HS6ST3: variants seen among roughly 807,000 people sequenced by gnomAD.
HS6ST3 encodes the protein heparan sulfate 6-O-sulfotransferase 3.
In HS6ST3, 12 loss-of-function variants were observed where a neutral mutation model predicts 36.7. The ratio of observed to expected loss-of-function variants is 0.33; its 90% CI spans 0.21 to 0.53. The LOEUF (loss-of-function observed/expected upper bound fraction) is 0.53. Among genes scored for constraint, HS6ST3 ranks in the 20% least tolerant of loss-of-function variants. HS6ST3 has a pLI of 0.95. For synonymous variants in HS6ST3, 240 were observed against 257.5 expected (o/e 0.93, Z 0.65); for missense variants, 584 against 640.9 (o/e 0.91, Z 0.96).
At chr13:96,139,949 G>A (rs959958909) in intron 1 of HS6ST3, among the ~76,000 whole-genome samples, 2 of 152,042 alleles carry the variant, frequency 1.3e-5, no homozygotes, top group Non-Finnish European at 2.9e-5. Flanking sequence ...CTAATTATAT[G>A]CAGATTGTTT....
chr13:96,379,017 T>C (rs572094584), intron 1 of HS6ST3, among the ~76,000 whole-genome samples: 5 of 152,308 alleles, frequency 3.3e-5, no homozygotes, highest in African/African-American at 9.6e-5. Flanking sequence ...CTAAGTCTTA[T>C]TGATTTAGCT....
intron 1 of HS6ST3, among the ~76,000 whole-genome samples, chr13:96,465,400 G>A (rs2055807282): frequency 6.6e-6 from 1 of 152,130 alleles, no homozygotes; most frequent in Non-Finnish European, 1.5e-5. Context: ...ATACTACACA[G>A]CAATGAAAAG....
At chr13:96,734,820 A>G (rs1414892528) in intron 1 of HS6ST3, among the ~76,000 whole-genome samples, 2 of 152,236 alleles carry the variant, frequency 1.3e-5, no homozygotes, top group Non-Finnish European at 2.9e-5. Flanking sequence ...TCGCCAGATC[A>G]GTGTCTGGAG....
chr13:96,352,913 A>T (rs2055190702), intron 1 of HS6ST3, among the ~76,000 whole-genome samples: 1 of 152,056 alleles, frequency 6.6e-6, no homozygotes, highest in African/African-American at 2.4e-5. Context: ...ACACAGAGAG[A>T]TTTAAATAAC....
chr13:96,674,261 C>A (rs1168781288), intron 1 of HS6ST3, among the ~76,000 whole-genome samples: 1 of 152,098 alleles, frequency 6.6e-6, no homozygotes, highest in African/African-American at 2.4e-5. Flanking sequence ...TCACCTTCCG[C>A]CATGATTGTG....
At chr13:96,696,422 G>A (rs1566431994) in intron 1 of HS6ST3, among the ~76,000 whole-genome samples, 1 of 152,154 alleles carries the variant, frequency 6.6e-6, no homozygotes, top group Non-Finnish European at 1.5e-5. Flanking sequence ...CTGTGGCCTG[G>A]CCAAGTTGAC....
chr13:96,355,032 C>T (rs1203756255), intron 1 of HS6ST3, among the ~76,000 whole-genome samples: 1 of 152,034 alleles, frequency 6.6e-6, no homozygotes, highest in Non-Finnish European at 1.5e-5. Context: ...AGAATGTGTC[C>T]ACCTCCAGGA....
At chr13:96,283,547 C>T (rs1014098565) in intron 1 of HS6ST3, among the ~76,000 whole-genome samples, 1 of 152,154 alleles carries the variant, frequency 6.6e-6, no homozygotes, top group African/African-American at 2.4e-5. Flanking sequence ...CTGTGCACCC[C>T]TACCCCTAGA....
At chr13:96,688,546 C>A (rs147985115) in intron 1 of HS6ST3, among the ~76,000 whole-genome samples, 1 of 151,936 alleles carries the variant, frequency 6.6e-6, no homozygotes, top group Non-Finnish European at 1.5e-5. Context: ...GAAGGAATAG[C>A]GGAGAAGAGA....
chr13:96,486,412 C>G (rs1321010475), intron 1 of HS6ST3, among the ~76,000 whole-genome samples: 2 of 152,146 alleles, frequency 1.3e-5, no homozygotes, highest in East Asian at 3.9e-4. Flanking sequence ...AATGGTATTT[C>G]TAGTTCTAGA....
At chr13:96,589,345 A>G (rs1414365715) in intron 1 of HS6ST3, among the ~76,000 whole-genome samples, 1 of 152,018 alleles carries the variant, frequency 6.6e-6, no homozygotes, top group Non-Finnish European at 1.5e-5. Context: ...TTGTTCATAA[A>G]AGTCTCTTAT....
chr13:96,765,793 G>A (rs1366316377), intron 1 of HS6ST3, among the ~76,000 whole-genome samples: 1 of 152,046 alleles, frequency 6.6e-6, no homozygotes, highest in Non-Finnish European at 1.5e-5. Flanking sequence ...TTTCTTTTAG[G>A]AGTGTTGGCA....
At chr13:96,506,724 G>C (rs1357386350) in intron 1 of HS6ST3, among the ~76,000 whole-genome samples, 2 of 152,108 alleles carry the variant, frequency 1.3e-5, no homozygotes, top group African/African-American at 2.4e-5. Context: ...CTGCCATACA[G>C]GTTATCCATA....
chr13:96,618,640 A>G (rs1594819679), intron 1 of HS6ST3, among the ~76,000 whole-genome samples: 1 of 152,172 alleles, frequency 6.6e-6, no homozygotes, highest in African/African-American at 2.4e-5. Flanking sequence ...TTCAGGCCCC[A>G]TAGAATCTGG....
At chr13:96,204,400 A>G (rs2054359159) in intron 1 of HS6ST3, among the ~76,000 whole-genome samples, 1 of 152,180 alleles carries the variant, frequency 6.6e-6, no homozygotes, top group African/African-American at 2.4e-5. Flanking sequence ...ATAAAATAAT[A>G]GTGGGAGATT....
chr13:96,298,636 C>T (rs2054866798), intron 1 of HS6ST3, among the ~76,000 whole-genome samples: 1 of 152,160 alleles, frequency 6.6e-6, no homozygotes, highest in Non-Finnish European at 1.5e-5. Flanking sequence ...TAAAGCAGCA[C>T]CCAAATTGTT....
At chr13:96,562,474 C>T (rs949144398) in intron 1 of HS6ST3, among the ~76,000 whole-genome samples, 1 of 151,988 alleles carries the variant, frequency 6.6e-6, no homozygotes, top group African/African-American at 2.4e-5. Flanking sequence ...ACAAAATACA[C>T]CCACATAACA....
chr13:96,825,893 A>T (rs544275477), intron 1 of HS6ST3, among the ~76,000 whole-genome samples: 4 of 152,188 alleles, frequency 2.6e-5, no homozygotes, highest in Admixed American at 6.5e-5. Context: ...TTGCTAATGA[A>T]TGCATTTTTC....
intron 1 of HS6ST3, among the ~76,000 whole-genome samples, chr13:96,231,402 G>A (rs1257879802): frequency 6.6e-6 from 1 of 152,102 alleles, no homozygotes; most frequent in South Asian, 2.1e-4. Context: ...ATTGGCTGAC[G>A]GTTCCATAGG....
Sources: allele counts gnomAD v4.1 joint callset (sites outside exome capture counted in the v4.1 genomes callset), GRCh38; gene constraint gnomAD v4.1.1; transcripts MANE v1.5; gene names NCBI Gene and HGNC (gene_info 2026-07-23, HGNC 2026-07-21).